The following SYNPO2 variants were observed in gnomAD, a reference collection of about 807,000 sequenced individuals.
SYNPO2 encodes synaptopodin 2.
A neutral mutation model predicts 85.0 loss-of-function variants in SYNPO2; 56 were observed. The observed-to-expected ratio is 0.66, with a 90% confidence interval of 0.53 to 0.82. SYNPO2 has a LOEUF of 0.82. SYNPO2 is among the 40% of genes least tolerant of loss of function. SYNPO2 has a pLI of 0.00. For missense variants in SYNPO2, 1,575 were observed against 1,534.2 expected (o/e 1.03, Z -0.44); for synonymous variants, 602 against 591.1 (o/e 1.02, Z -0.27).
intron 1 of SYNPO2, among the ~76,000 whole-genome samples, chr4:118,979,318 GGAAA>G (rs1735916033): frequency 6.6e-6 from 1 of 152,080 alleles, no homozygotes; most frequent in Admixed American, 6.5e-5. Context: ...CCCTTCCTGT[GGAAA>G]GAAAGAATTT....
intron 1 of SYNPO2, among the ~76,000 whole-genome samples, chr4:119,007,267 T>TATAA (rs774553178): frequency 1.4e-5 from 1 of 74,030 alleles, no homozygotes; most frequent in Non-Finnish European, 2.5e-5. Context: ...TATATATATA[T>TATAA]ATATATATGT....
chr4:118,999,759 T>C (rs17050183), intron 1 of SYNPO2, among the ~76,000 whole-genome samples: 3,332 of 152,258 alleles, frequency 0.022, 124 homozygotes, highest in African/African-American at 0.074. Context: ...ATAAATCATA[T>C]TTGAAGACAG....
rs1168691183 is a variant in SYNPO2, at chr4:119,031,662, G to C, written c.2887G>C (p.Asp963His). Residue 963 changes from aspartate to histidine, a missense_variant, in exon 4 of 5, where the codon GAT (aspartate) becomes CAT (histidine). Around this residue, in one of 3 missense-constraint regions of SYNPO2, gnomAD observed 1,508 missense variants for 1,446.8 expected, o/e 1.04. Transcript: ENST00000307142. ...GGGAAAGAAACCCCTCAATGCATTA[G>C]ATGTCATGAAGCACCAACCGTATCA... ...KKGKKPLNAL[D>H]VMKHQPYQLN... The C allele has an allele frequency of 1.2e-6, 2 of 1,614,178 alleles. No individual in the cohort carries two copies. Among genetic ancestry groups the C allele is most frequent in the South Asian group, 1.1e-5 (1 of 91,090 alleles).
chr4:118,863,261 C>A (rs1330228157), intron 1 of SYNPO2, among the ~76,000 whole-genome samples: 1 of 152,164 alleles, frequency 6.6e-6, no homozygotes, highest in Non-Finnish European at 1.5e-5. Flanking sequence ...GTTTGATAGA[C>A]TTCAGCAGTG....
At chr4:118,933,002 TAGG>T (rs1409659487) in intron 1 of SYNPO2, among the ~76,000 whole-genome samples, 2 of 152,116 alleles carry the variant, frequency 1.3e-5, no homozygotes, top group African/African-American at 4.8e-5. Context: ...TCCATTTTTC[TAGG>T]AGGAGCACTA....
In SYNPO2 at chr4:119,030,336, G is replaced by A. The variant is rs1561002837; in HGVS notation, c.1561G>A (p.Glu521Lys). 4 of 1,614,104 alleles carry A rather than the reference G, an allele frequency of 2.5e-6. No homozygotes were observed. The highest frequency in any genetic ancestry group is 1.7e-5 in the Admixed American group (1 of 60,024). The part of the protein sequence containing the change: ...EDKVGGTPSR[E>K]QDAAQTDGLR... ...CAAGGTAGGTGGAACGCCAAGCAGA[G>A]AACAAGATGCTGCCCAGACCGATGG... is the stretch of plus-strand genomic sequence containing the variant. Residue 521 changes from glutamate (E) to lysine (K), a missense_variant, in exon 4 of 5, where the codon GAA becomes AAA. Transcript: ENST00000307142.
At chr4:118,968,294 C>T (rs562231155) in intron 1 of SYNPO2, among the ~76,000 whole-genome samples, 1 of 152,310 alleles carries the variant, frequency 6.6e-6, no homozygotes, top group African/African-American at 2.4e-5. Flanking sequence ...GCCAATCAGA[C>T]CTCATGGGCT....
chr4:118,896,500 C>G (rs997122027), intron 1 of SYNPO2, among the ~76,000 whole-genome samples: 3 of 152,168 alleles, frequency 2.0e-5, no homozygotes, highest in Admixed American at 6.5e-5. Flanking sequence ...TAAACACCTT[C>G]ATGAAGTTAA....
At chr4:118,969,626 C>T (rs1735461208) in intron 1 of SYNPO2, among the ~76,000 whole-genome samples, 1 of 152,166 alleles carries the variant, frequency 6.6e-6, no homozygotes, top group Non-Finnish European at 1.5e-5. Context: ...AATGAGGTAG[C>T]CAATGGCCTG....
At position 119,031,040 on chromosome 4, in the gene SYNPO2, CCCT is replaced by C. The variant is rs772327047; in HGVS notation, c.2272_2274del (p.Pro758del). On this transcript the variant is annotated inframe_deletion, in exon 4 of 5. Transcript: ENST00000307142. Reference sequence around the variant, plus strand: ...AAAGCTCCTCTGCCAAACAAAAGACCCCTCCTCCTGTTGCTCCAAAACCTGCAG... The same window carrying C: ...AAAGCTCCTCTGCCAAACAAAAGACCCCTCCTGTTGCTCCAAAACCTGCAG... The C allele has an allele frequency of 4.2e-5, 68 of 1,613,992 alleles. No individual in the cohort carries two copies. In the East Asian group the frequency reaches 1.5e-3, roughly 35 times the overall value.
chr4:118,919,550 G>A (rs1452450591), intron 1 of SYNPO2, among the ~76,000 whole-genome samples: 4 of 152,168 alleles, frequency 2.6e-5, no homozygotes, highest in African/African-American at 9.7e-5. Flanking sequence ...TCTTCAAAAA[G>A]CTTACATATT....
chr4:119,030,830 G>A lies in SYNPO2; in HGVS notation c.2055G>A (p.Gln685=). ...CAGCAAAAAGAACAGGAATATTGCA[G>A]GAGGCCAAAAGGAGAAGCACGACAA... ...SVPAKRTGIL[Q]EAKRRSTTKP... is the part of the protein sequence containing the mutation. Residue 685 remains glutamine, a synonymous_variant, in exon 4 of 5, where the codon CAG becomes CAA. Transcript: ENST00000307142. 2 of 1,614,132 alleles carry A rather than the reference G, an allele frequency of 1.2e-6. No individual in the cohort carries two copies. The highest frequency in any genetic ancestry group is 8.5e-7 in the Non-Finnish European group (1 of 1,180,038).
chr4:119,023,871 T>C (rs1737834280), intron 2 of SYNPO2, among the ~76,000 whole-genome samples: 1 of 152,226 alleles, frequency 6.6e-6, no homozygotes, highest in African/African-American at 2.4e-5. Flanking sequence ...TGAGCATAAC[T>C]TAATATTTCT....
chr4:119,054,688 C>A (rs1343703705), intron 4 of SYNPO2, among the ~76,000 whole-genome samples: 1 of 151,930 alleles, frequency 6.6e-6, no homozygotes, highest in African/African-American at 2.4e-5. Flanking sequence ...TGGGGTGGGC[C>A]GCAGGTAGTT....
intron 1 of SYNPO2, among the ~76,000 whole-genome samples, chr4:118,862,730 A>G (rs944687575): frequency 2.0e-5 from 3 of 151,988 alleles, no homozygotes; most frequent in Admixed American, 6.6e-5. Flanking sequence ...TCAGTTTGCT[A>G]GTATTTTGTT....
At position 118,937,688 on chromosome 4, in the gene SYNPO2, AT is replaced by A. The variant is rs1456943134; in HGVS notation, c.105+48548del. Among the ~76,000 whole-genome samples the A allele has an allele frequency of 7.9e-5, 12 of 152,300 alleles. 1 individual carries two copies. The highest frequency in any genetic ancestry group is 6.5e-4 in the Admixed American group (10 of 15,296). ...TCACCTGTACAATAAAGAAAAAAAA[AT>A]ATAACTTTTAAAAAAAGATTATTGC... is the stretch of plus-strand genomic sequence containing the variant. On this transcript the variant is annotated intron_variant, in intron 1 of 4. Transcript: ENST00000307142.
At chr4:118,885,214 T>G (rs1194461454), upstream of SYNPO2, among the ~76,000 whole-genome samples, 1 of 152,168 alleles carries the variant, frequency 6.6e-6, no homozygotes, top group African/African-American at 2.4e-5. Flanking sequence ...AGAAAGTGTT[T>G]CCATGTAAAA....
intron 1 of SYNPO2, among the ~76,000 whole-genome samples, chr4:119,001,401 T>C (rs977664939): frequency 4.6e-5 from 7 of 152,360 alleles, no homozygotes; most frequent in African/African-American, 1.4e-4. Context: ...AATATTGTCC[T>C]TAAGTAGATA....
intron 1 of SYNPO2, among the ~76,000 whole-genome samples, chr4:118,946,719 T>C (rs1490981847): frequency 2.0e-5 from 3 of 152,224 alleles, no homozygotes; most frequent in Non-Finnish European, 1.5e-5. Flanking sequence ...AAAGTTACAA[T>C]AAAGTACTTT....
Sources: allele counts gnomAD v4.1 joint callset (sites outside exome capture counted in the v4.1 genomes callset), GRCh38; gene constraint gnomAD v4.1.1; regional missense constraint gnomAD v4.1.1; transcripts MANE v1.5; gene names NCBI Gene and HGNC (gene_info 2026-07-23, HGNC 2026-07-21).